ZNF773: variants seen among roughly 807,000 people sequenced by gnomAD.
The protein encoded by ZNF773 is zinc finger protein 773.
In ZNF773, 11 loss-of-function variants were observed where a neutral mutation model predicts 12.8. That is an observed-to-expected ratio of 0.86 (90% CI 0.54 to 1.42). ZNF773 has a LOEUF of 1.42. Ranked by LOEUF, ZNF773 falls within the 40% of genes most tolerant of loss-of-function variation. The pLI is 0.00. For missense variants in ZNF773, 518 were observed against 527.2 expected (o/e 0.98, Z 0.17); for synonymous variants, 175 against 178.4 (o/e 0.98, Z 0.15).
rs752874021 is a variant in ZNF773, at chr19:57,506,681, T to C, written c.586T>C (p.Cys196Arg). The change falls in exon 4 of 4, where the codon TGT becomes CGT. Residue 196 changes from cysteine (C) to arginine (R), a missense_variant. Cys to Arg is a radical substitution (Grantham distance 180). Coordinates refer to ENST00000282292, the MANE Select transcript of ZNF773 (RefSeq NM_198542.3). ...AGKRHYKCSECGKAFGQKYLL... is the reference protein window; with the variant it reads ...AGKRHYKCSERGKAFGQKYLL... ...AAAAAGGCATTACAAATGCAGTGAA[T>C]GTGGGAAAGCCTTTGGTCAGAAATA... 6.2e-7 allele frequency: 1 copy of C among 1,614,204 alleles called. No individual in the cohort carries two copies. Among genetic ancestry groups the C allele is most frequent in the East Asian group, 2.2e-5 (1 of 44,882 alleles).
In ZNF773 at chr19:57,506,339, A is replaced by G; in HGVS notation, c.263-19A>G. On this transcript the variant is annotated intron_variant, in intron 3 of 3. Transcript: ENST00000282292. Reference sequence around the variant, plus strand: ...CACCAAAGACTACATTTACTTCATCAACATTTCTCTTCTTTCAGGTAGTTG... The same window carrying G: ...CACCAAAGACTACATTTACTTCATCGACATTTCTCTTCTTTCAGGTAGTTG... 6.3e-7 allele frequency: 1 copy of G among 1,593,552 alleles called. No homozygotes were observed. The highest frequency in any genetic ancestry group is 8.5e-7 in the Non-Finnish European group (1 of 1,171,886).
downstream of ZNF773, among the ~76,000 whole-genome samples, chr19:57,512,842 C>T (rs185183419): frequency 6.8e-4 from 103 of 152,132 alleles, no homozygotes; most frequent in Non-Finnish European, 1.1e-3. Flanking sequence ...TTATGTGAGC[C>T]TGTGATAAAT....
At position 57,508,163 on chromosome 19, in the gene ZNF773, A is replaced by C; in HGVS notation, c.*739A>C. On this transcript the variant is annotated 3_prime_UTR_variant, in exon 4 of 4. Coordinates refer to ENST00000282292, the MANE Select transcript of ZNF773 (RefSeq NM_198542.3). ...CTCAAAAAAAAAAAAAAAAAACAAA[A>C]AAAACCCAGAAACTCTGAGGGTGAT... 2 of 953,966 alleles carry C rather than the reference A, an allele frequency of 2.1e-6. No individual in the cohort carries two copies. The highest frequency in any genetic ancestry group is 2.5e-6 in the Non-Finnish European group (2 of 809,830). The allele number at this position is 953,966 out of a possible 1,614,324, so 59.1% of individuals were successfully genotyped here.
At chr19:57,512,831 A>G (rs538073590), downstream of ZNF773, among the ~76,000 whole-genome samples, 2 of 152,174 alleles carry the variant, frequency 1.3e-5, no homozygotes, top group African/African-American at 4.8e-5. Context: ...AAAGAAAGCA[A>G]TTATGTGAGC....
At position 57,499,949 on chromosome 19, in the gene ZNF773, C is replaced by G. The variant is rs986091566; in HGVS notation, c.-132C>G. On this transcript the variant is annotated 5_prime_UTR_variant, in exon 1 of 4. Coordinates refer to ENST00000282292, the MANE Select transcript of ZNF773 (RefSeq NM_198542.3). ...GCCGGAAGCTGGTTGTTCGCTGCGG[C>G]GACCAGCTCCGGAAAGCGCGGTGGG... is the stretch of plus-strand genomic sequence containing the variant. 1 of 1,239,336 alleles carries G rather than the reference C, an allele frequency of 8.1e-7. No homozygotes were observed. Among genetic ancestry groups the G allele is most frequent in the Non-Finnish European group, 1.1e-6 (1 of 918,926 alleles). 76.8% of individuals were successfully genotyped at this position (1,239,336 alleles called of 1,614,324 possible). A position where few individuals can be genotyped will look rare whatever the true frequency, so the allele number is the denominator to read the frequency against.
At chr19:57,514,175 G>T (rs1222659386), downstream of ZNF773, 1 of 152,188 alleles carries the variant, frequency 6.6e-6, no homozygotes, top group Non-Finnish European at 1.5e-5. Context: ...AAACAAAACA[G>T]GCTTTGACTA....
rs1238841318 is a variant in ZNF773 at position 57,504,778 on chromosome 19, C to T, written c.155C>T (p.Ala52Val). ...NVMLENFTLL[A>V]SLGLASSKTH... Reference sequence around the variant, plus strand: ...ATGCTGGAGAACTTTACACTTCTGGCCTCTCTGGGTAAGGTTCTCACACCC... The same window carrying T: ...ATGCTGGAGAACTTTACACTTCTGGTCTCTCTGGGTAAGGTTCTCACACCC... Residue 52 changes from alanine (A) to valine (V), a missense_variant, in exon 2 of 4, where the codon GCC becomes GTC. Physicochemically the swap from Ala to Val is moderately conservative, Grantham distance 64. Transcript: ENST00000282292. 7 of 1,613,170 alleles carry T rather than the reference C, an allele frequency of 4.3e-6. No individual in the cohort carries two copies. The highest frequency in any genetic ancestry group is 3.3e-5 in the Admixed American group (2 of 59,832).
rs762910500 is a variant in ZNF773 at position 57,500,039 on chromosome 19, C to T, written c.-42C>T. On this transcript the variant is annotated 5_prime_UTR_variant, in exon 1 of 4. Coordinates refer to ENST00000282292, the MANE Select transcript of ZNF773 (RefSeq NM_198542.3). ...CTCGGTGGCGGCGCCCAGGGTGGCC[C>T]GGGCCCTTTCCTCGGTCGTTGTCTC... The T allele has an allele frequency of 3.2e-5, 49 of 1,554,520 alleles. No individual in the cohort carries two copies. The highest frequency in any genetic ancestry group is 4.1e-5 in the Non-Finnish European group (47 of 1,151,482).
intron 1 of ZNF773, among the ~76,000 whole-genome samples, chr19:57,501,771 A>G (rs1372500789): frequency 2.0e-5 from 3 of 152,098 alleles, no homozygotes; most frequent in African/African-American, 4.8e-5. Flanking sequence ...AGACCATGAG[A>G]AGGTAAGTGG....
chr19:57,516,164 G>C (rs1027838023), downstream of ZNF773: 3 of 155,698 alleles, frequency 1.9e-5, no homozygotes, highest in East Asian at 1.9e-4. Context: ...TACGAGCCAT[G>C]AGCTAGTTGA....
intron 1 of ZNF773, 53 bp from the exon 2 acceptor site, chr19:57,504,604 C>T (rs1254968499): frequency 3.1e-6 from 5 of 1,604,416 alleles, no homozygotes; most frequent in Non-Finnish European, 4.3e-6. Context: ...TAGGGGGATG[C>T]CTAAATTCCC....
chr19:57,513,062 T>G, downstream of ZNF773: 1 of 1,547,270 alleles, frequency 6.5e-7, no homozygotes, highest in African/African-American at 1.4e-5. Context: ...AACAGGGACG[T>G]GAGTGAAGAA....
intron 1 of ZNF773, among the ~76,000 whole-genome samples, chr19:57,501,159 A>G (rs1282754760): frequency 6.6e-6 from 1 of 152,222 alleles, no homozygotes; most frequent in Non-Finnish European, 1.5e-5. Flanking sequence ...AGCTATCAGC[A>G]CAGGTGGGAT....
intron 1 of ZNF773, among the ~76,000 whole-genome samples, chr19:57,502,181 A>G (rs2089678282): frequency 6.6e-6 from 1 of 152,148 alleles, no homozygotes; most frequent in African/African-American, 2.4e-5. Flanking sequence ...ATCTCAGGTG[A>G]TCCGCCCACC....
In ZNF773 at chr19:57,507,158, G is replaced by A; in HGVS notation, c.1063G>A (p.Gly355Arg). ...TATCAATCATTGGCGTGTTCACACT[G>A]GAGAAAGGCCTTATGAGTGCAGTGA... Reference protein sequence around the residue: ...SLINHWRVHTGERPYECSECG... With the variant: ...SLINHWRVHTRERPYECSECG... Residue 355 changes from glycine (G) to arginine (R), a missense_variant, in exon 4 of 4, where the codon GGA (glycine) becomes AGA (arginine). Coordinates refer to ENST00000282292, the MANE Select transcript of ZNF773 (RefSeq NM_198542.3). 6.2e-7 allele frequency: 1 copy of A among 1,614,236 alleles called. No individual in the cohort carries two copies.
downstream of ZNF773, chr19:57,508,527 G>A: frequency 1.4e-6 from 1 of 701,130 alleles, no homozygotes; most frequent in Non-Finnish European, 2.6e-6. Flanking sequence ...CAGTTTGGCT[G>A]CGTAACAGGT....
downstream of ZNF773, chr19:57,508,495 A>G: frequency 1.4e-6 from 1 of 699,516 alleles, no homozygotes. Flanking sequence ...CAGAGACTGA[A>G]TTGTGTTTTT....
At chr19:57,505,479 C>A in intron 3 of ZNF773, 79 bp downstream of exon 3, 1 of 1,507,210 alleles carries the variant, frequency 6.6e-7, no homozygotes, top group Non-Finnish European at 9.2e-7. Flanking sequence ...CCAGTGGGCC[C>A]AGATATTTTG....
At chr19:57,511,124 A>G (rs2089791595), downstream of ZNF773, among the ~76,000 whole-genome samples, 1 of 150,854 alleles carries the variant, frequency 6.6e-6, no homozygotes, top group South Asian at 2.1e-4. Context: ...ATCTCAGCTC[A>G]CTGCTGTGTC....
Sources: allele counts gnomAD v4.1 joint callset (sites outside exome capture counted in the v4.1 genomes callset), GRCh38; gene constraint gnomAD v4.1.1; transcripts MANE v1.5; gene names NCBI Gene and HGNC (gene_info 2026-07-23, HGNC 2026-07-21).